The following RAPGEFL1 variants were observed in gnomAD, a reference collection of about 807,000 sequenced individuals.
The protein encoded by RAPGEFL1 is Rap guanine nucleotide exchange factor like 1.
RAPGEFL1 carries 31 observed loss-of-function variants against 64.4 expected under a neutral mutation model. The ratio of observed to expected loss-of-function variants is 0.48; its 90% CI spans 0.36 to 0.65. The LOEUF (loss-of-function observed/expected upper bound fraction) is 0.65, where lower values mean the gene tolerates loss of function less well. Among genes scored for constraint, RAPGEFL1 ranks in the 30% least tolerant of loss-of-function variants. The pLI, the probability that RAPGEFL1 is intolerant of heterozygous loss-of-function variation, is 0.00. For missense variants in RAPGEFL1, 682 were observed against 677.4 expected (o/e 1.01, Z -0.08); for synonymous variants, 331 against 274.1 (o/e 1.21, Z -2.05).
rs768184580 is a variant in RAPGEFL1 at position 40,190,903 on chromosome 17, C to A, written c.1335+141C>A. ...GCAACGCATGGCCGTAACCTTTGTT[C>A]CCCCATCTGAAAAAAATCGCAAAGA... On this transcript the variant is annotated intron_variant, in intron 8 of 14. Coordinates refer to ENST00000620260, the MANE Select transcript of RAPGEFL1 (RefSeq NM_016339.6). The A allele has an allele frequency of 3.0e-6, 4 of 1,335,972 alleles. No homozygotes were observed. The African/African-American group carries it at 4.4e-5, about 15-fold the overall frequency. 82.8% of individuals were successfully genotyped at this position (1,335,972 alleles called of 1,614,324 possible). A position where few individuals can be genotyped will look rare whatever the true frequency, so the allele number is the denominator to read the frequency against.
At chr17:40,190,954 A>C (rs1990242321) in intron 8 of RAPGEFL1, 192 bp downstream of exon 8, 1 of 768,168 alleles carries the variant, frequency 1.3e-6, no homozygotes. Flanking sequence ...ACAGTGGCTC[A>C]GGGCCCAAGT....
chr17:40,178,762 G>A (rs1373739258), intron 1 of RAPGEFL1, among the ~76,000 whole-genome samples: 4 of 152,196 alleles, frequency 2.6e-5, no homozygotes, highest in South Asian at 2.1e-4. Flanking sequence ...CATGCCACCC[G>A]CCAGAGGTGC....
intron 11 of RAPGEFL1, 81 bp downstream of exon 11, chr17:40,192,344 C>A (rs1010101900): frequency 2.7e-6 from 4 of 1,475,696 alleles, no homozygotes; most frequent in Non-Finnish European, 3.8e-6. Flanking sequence ...CTTCCTCAAG[C>A]TTTCCTTTCA....
chr17:40,192,355 A>C (rs1443566435), intron 11 of RAPGEFL1, 92 bp downstream of exon 11: 18 of 1,427,770 alleles, frequency 1.3e-5, no homozygotes, highest in Non-Finnish European at 1.7e-5. Flanking sequence ...TTTCCTTTCA[A>C]GGTGTTTAGT....
In RAPGEFL1 at chr17:40,188,997, AG is replaced by A. The variant is rs780396686; in HGVS notation, c.946+23del. The A allele has an allele frequency of 6.2e-7, 1 of 1,606,292 alleles. No homozygotes were observed. Among genetic ancestry groups the A allele is most frequent in the African/African-American group, 1.3e-5 (1 of 74,540 alleles). ...GATGAGAGTGAGTGTGGGCATTAGG[AG>A]GGGCAGGGTGTCCTGAGTGGCTCAG... On this transcript the variant is annotated intron_variant, in intron 5 of 14. Transcript: ENST00000620260.
chr17:40,183,648 T>C (rs1197998535), intron 2 of RAPGEFL1, among the ~76,000 whole-genome samples: 2 of 148,652 alleles, frequency 1.3e-5, no homozygotes, highest in African/African-American at 5.0e-5. Flanking sequence ...GCCTCCCGAG[T>C]AGCTGGGATT....
At chr17:40,181,570 C>G in intron 1 of RAPGEFL1, 46 bp from the exon 2 acceptor site, 1 of 701,054 alleles carries the variant, frequency 1.4e-6, no homozygotes, top group Non-Finnish European at 2.6e-6. Context: ...CAGTTTCGTT[C>G]TGGAAGTGCC....
chr17:40,185,519 CAAAAAA>C (rs1012933421), intron 4 of RAPGEFL1, among the ~76,000 whole-genome samples: 1 of 36,252 alleles, frequency 2.8e-5, no homozygotes, highest in Non-Finnish European at 5.6e-5. Flanking sequence ...GTCTCCACTA[CAAAAAA>C]AAAAAAAAAA....
intron 2 of RAPGEFL1, 90 bp from the exon 3 acceptor site, chr17:40,184,124 G>T (rs149509448): frequency 3.1e-6 from 3 of 972,990 alleles, no homozygotes; most frequent in Non-Finnish European, 5.0e-6. Context: ...GATTATAGGC[G>T]TGAGCCACTG....
chr17:40,193,938 T>G lies in RAPGEFL1; in HGVS notation c.*150T>G. 1 of 1,080,668 alleles carries G rather than the reference T, an allele frequency of 9.3e-7. No individual in the cohort carries two copies. 66.9% of individuals were successfully genotyped at this position (1,080,668 alleles called of 1,614,324 possible). A position where few individuals can be genotyped will look rare whatever the true frequency, so the allele number is the denominator to read the frequency against. On this transcript the variant is annotated 3_prime_UTR_variant, in exon 15 of 15. Coordinates refer to ENST00000620260, the MANE Select transcript of RAPGEFL1 (RefSeq NM_016339.6). The stretch of plus-strand genomic sequence containing the variant: ...GTCGATGGATTTACCCCTGGACCCA[T>G]AAGTCTGTTCATCCTGCTGAAGTCC...
At chr17:40,192,860 G>A (rs936293297) in intron 12 of RAPGEFL1, 66 bp from the exon 13 acceptor site, 23 of 1,435,406 alleles carry the variant, frequency 1.6e-5, no homozygotes, top group African/African-American at 2.8e-5. Context: ...GTCCTCGGGT[G>A]CAGTGGCCCC....
In RAPGEFL1 at chr17:40,183,071, C is replaced by T. The variant is rs189065356; in HGVS notation, c.600-1143C>T. Among the ~76,000 whole-genome samples the T allele has an allele frequency of 5.2e-3, 784 of 152,194 alleles. 5 individuals carry two copies. The highest frequency in any genetic ancestry group is 8.3e-3 in the Admixed American group (127 of 15,280). On this transcript the variant is annotated intron_variant, in intron 2 of 14. Coordinates refer to ENST00000620260, the MANE Select transcript of RAPGEFL1 (RefSeq NM_016339.6). ...CCTGAGGCAGGAGAATCGCTTGAACCCAGGAGGCAGAGGTTGCAGTGAGCT... is the reference window on the plus strand; with the variant it reads ...CCTGAGGCAGGAGAATCGCTTGAACTCAGGAGGCAGAGGTTGCAGTGAGCT...
intron 14 of RAPGEFL1, 94 bp downstream of exon 14, chr17:40,193,511 T>C: frequency 6.3e-7 from 1 of 1,575,458 alleles, no homozygotes; most frequent in African/African-American, 1.3e-5. Flanking sequence ...TGTATTTCCA[T>C]ACACTTGCTG....
chr17:40,191,526 G>C lies in RAPGEFL1; in HGVS notation c.1514+32G>C. On this transcript the variant is annotated intron_variant, in intron 9 of 14. Coordinates refer to ENST00000620260, the MANE Select transcript of RAPGEFL1 (RefSeq NM_016339.6). The surrounding 1 kb of genome is among the most constrained non-coding windows in gnomAD (Gnocchi z 5.1). ...GCGGCCGTCGGCGGGATGGGGGGCC[G>C]GAGGCCGGAGGCCCGCGCCGCCGCC... 1 of 1,567,794 alleles carries C rather than the reference G, an allele frequency of 6.4e-7. No homozygotes were observed. The highest frequency in any genetic ancestry group is 8.6e-7 in the Non-Finnish European group (1 of 1,159,630).
At chr17:40,181,325 T>A in intron 1 of RAPGEFL1, 1 of 551,434 alleles carries the variant, frequency 1.8e-6, no homozygotes, top group Non-Finnish European at 3.5e-6. Flanking sequence ...GTGTGTTATC[T>A]GACCAACTTC....
At chr17:40,188,685 G>A (rs1378007064) in intron 4 of RAPGEFL1, 181 bp from the exon 5 acceptor site, 5 of 606,838 alleles carry the variant, frequency 8.2e-6, no homozygotes, top group South Asian at 1.9e-5. Context: ...TTTGATTAGG[G>A]TTACTTGGAT....
Position 40,186,412 on chromosome 17 carries a change from C to T in RAPGEFL1, c.833+1734C>T, listed in dbSNP as rs1990073688. On this transcript the variant is annotated intron_variant, in intron 4 of 14. Transcript: ENST00000620260. ...TGAAACCCCGTCTCTACTAAAAATA[C>T]AAAAAATTAGCCGGGCGCGGTGGCG... Among the ~76,000 whole-genome samples the T allele has an allele frequency of 3.6e-5, 5 of 138,776 alleles. No homozygotes were observed. In the South Asian group the frequency reaches 1.2e-3, roughly 32 times the overall value. The allele number at this position is 138,776 out of a possible 152,430, so 91.0% of individuals were successfully genotyped here.
At position 40,193,002 on chromosome 17, in the gene RAPGEFL1, G is replaced by A; in HGVS notation, c.1809+12G>A. 6.2e-7 allele frequency: 1 copy of A among 1,611,128 alleles called. No homozygotes were observed. Among genetic ancestry groups the A allele is most frequent in the South Asian group, 1.1e-5 (1 of 91,034 alleles). ...ACATCGAGAAGCTGGTGAGTGAGTG[G>A]CACTGCAAACCCCTAGTCCCACAAG... On this transcript the variant is annotated intron_variant, in intron 13 of 14. Transcript: ENST00000620260.
At chr17:40,186,574 C>CAAAAAAA (rs146110920) in intron 4 of RAPGEFL1, among the ~76,000 whole-genome samples, 37 of 26,282 alleles carry the variant, frequency 1.4e-3, no homozygotes, top group Non-Finnish European at 2.0e-3. Flanking sequence ...GACTCCGTCT[C>CAAAAAAA]AAAAAAAAAA....
Sources: gnomAD v4.1 joint callset for allele counts (sites outside exome capture counted in the v4.1 genomes callset) on GRCh38, gnomAD v4.1.1 for gene constraint, Gnocchi (gnomAD v3.1) non-coding constraint, MANE v1.5 for transcripts, NCBI Gene and HGNC (gene_info 2026-07-23, HGNC 2026-07-21) for gene names.